The following SLC9B1 variants were observed in gnomAD, a reference collection of about 807,000 sequenced individuals.
SLC9B1 encodes the protein solute carrier family 9 member B1.
SLC9B1 carries 32 observed loss-of-function variants against 51.7 expected under a neutral mutation model. The ratio of observed to expected loss-of-function variants is 0.62; its 90% CI spans 0.47 to 0.83. SLC9B1 has a LOEUF of 0.83. SLC9B1 is among the 40% of genes least tolerant of loss of function. The pLI is 0.00. For missense variants in SLC9B1, 406 were observed against 613.2 expected, an observed-to-expected ratio of 0.66 and a Z score of 3.57; for synonymous variants, 145 against 212.7, an observed-to-expected ratio of 0.68 and a Z score of 2.77.
chr4:102,979,234 T>A (rs1269817234), intron 3 of SLC9B1, among the ~76,000 whole-genome samples: 1 of 152,230 alleles, frequency 6.6e-6, no homozygotes, highest in Non-Finnish European at 1.5e-5. Context: ...GTAGTTAACC[T>A]GATTGGTGAG....
At chr4:102,898,171 C>A (rs956615902), downstream of SLC9B1, 9 of 519,034 alleles carry the variant, frequency 1.7e-5, no homozygotes, top group Admixed American at 7.8e-5. Context: ...ATAGCTGTAC[C>A]ACAAGACCAC....
At chr4:102,978,399 T>A (rs1360942019) in intron 3 of SLC9B1, among the ~76,000 whole-genome samples, 9 of 151,826 alleles carry the variant, frequency 5.9e-5, no homozygotes, top group Admixed American at 2.0e-4. Flanking sequence ...TGGGAGAAAA[T>A]TTTTGCAATC....
chr4:102,941,982 C>T (rs944468817), intron 6 of SLC9B1, among the ~76,000 whole-genome samples: 2 of 152,024 alleles, frequency 1.3e-5, no homozygotes, highest in Non-Finnish European at 2.9e-5. Context: ...AATCAATGTA[C>T]ACAAATCAGT....
At chr4:102,962,230 G>C (rs549956195) in intron 3 of SLC9B1, 1 of 537,334 alleles carries the variant, frequency 1.9e-6, no homozygotes, top group African/African-American at 1.9e-5. Flanking sequence ...AAGCCCAAAG[G>C]AGAATGTTGA....
intron 7 of SLC9B1, among the ~76,000 whole-genome samples, chr4:102,916,993 G>C (rs1489708095): frequency 2.0e-5 from 3 of 152,220 alleles, no homozygotes; most frequent in Admixed American, 6.5e-5. Context: ...CTGTGGGTAG[G>C]CATCATGCAA....
At chr4:102,943,403 A>G (rs1737103462) in intron 6 of SLC9B1, among the ~76,000 whole-genome samples, 1 of 152,174 alleles carries the variant, frequency 6.6e-6, no homozygotes, top group Admixed American at 6.6e-5. Flanking sequence ...CACAATTTGC[A>G]ATTGCAAAAA....
chr4:102,992,948 C>G (rs1362517760), intron 1 of SLC9B1, among the ~76,000 whole-genome samples: 2 of 152,162 alleles, frequency 1.3e-5, no homozygotes, highest in Admixed American at 6.5e-5. Flanking sequence ...AAATGCCAGA[C>G]ACTTATAAAA....
chr4:102,970,268 C>T (rs928805575), intron 3 of SLC9B1, among the ~76,000 whole-genome samples: 1 of 152,188 alleles, frequency 6.6e-6, no homozygotes, highest in Non-Finnish European at 1.5e-5. Flanking sequence ...AAGGGAAGCA[C>T]ATCAGACTAA....
At position 102,908,567 on chromosome 4, in the gene SLC9B1, A is replaced by T. The variant is rs553623268; in HGVS notation, c.1086+1872T>A. 3.9e-5 allele frequency among the ~76,000 whole-genome samples: 6 copies of T among 152,372 alleles called. No homozygotes were observed. In the East Asian group the frequency reaches 1.2e-3, roughly 29 times the overall value. ...AGATAAATTCCAGATAGATTAAAAG[A>T]CTAAATGAAAAAAACAAATTAAACA... On this transcript the variant is annotated intron_variant, in intron 9 of 11. Transcript: ENST00000296422.
intron 11 of SLC9B1, among the ~76,000 whole-genome samples, chr4:102,894,693 A>G (rs1239108090): frequency 6.6e-6 from 1 of 152,230 alleles, no homozygotes; most frequent in African/African-American, 2.4e-5. Context: ...GCAGTGGCTC[A>G]TACCTGTAAT....
At chr4:102,896,938 T>C (rs916522492), downstream of SLC9B1, 8 of 154,082 alleles carry the variant, frequency 5.2e-5, no homozygotes, top group African/African-American at 1.9e-4. Context: ...AGGAAGATTT[T>C]TGGAGAAGAC....
At chr4:102,962,793 C>A in intron 3 of SLC9B1, 1 of 475,734 alleles carries the variant, frequency 2.1e-6, no homozygotes, top group South Asian at 1.5e-5. Context: ...TGCCCTGATA[C>A]AGTCAAGGAA....
chr4:103,009,093 T>C (rs921360086), intron 1 of SLC9B1, among the ~76,000 whole-genome samples: 6 of 152,198 alleles, frequency 3.9e-5, no homozygotes, highest in African/African-American at 9.6e-5. Context: ...CCACTGCGCC[T>C]GGCCAGGCTT....
chr4:102,942,643 G>T (rs1315490113), intron 6 of SLC9B1, among the ~76,000 whole-genome samples: 1 of 152,172 alleles, frequency 6.6e-6, no homozygotes, highest in Non-Finnish European at 1.5e-5. Context: ...AATGAAACTG[G>T]ATCCTCATCT....
At position 102,993,818 on chromosome 4, in the gene SLC9B1, C is replaced by G. The variant is rs138453651; in HGVS notation, c.-1-2106G>C. Among the ~76,000 whole-genome samples, 679 of 152,340 alleles carry G rather than the reference C, an allele frequency of 4.5e-3. 5 individuals are homozygous for G. The highest frequency in any genetic ancestry group is 0.015 in the African/African-American group (635 of 41,582). ...GTTCTGTGCACCTGTCGGCCTAACA[C>G]CACGTGTAAGCTGCCAAGCCTTGGG... On this transcript the variant is annotated intron_variant, in intron 1 of 11. Transcript: ENST00000296422.
At chr4:102,941,441 A>G in intron 6 of SLC9B1, 1 of 455,308 alleles carries the variant, frequency 2.2e-6, no homozygotes, top group Non-Finnish European at 4.4e-6. Context: ...AACTGCAGTG[A>G]GATACAACCT....
At chr4:102,885,790 A>G (rs973588858) in intron 11 of SLC9B1, among the ~76,000 whole-genome samples, 20 of 152,222 alleles carry the variant, frequency 1.3e-4, no homozygotes, top group Admixed American at 1.3e-3. Flanking sequence ...GTTTGGTTGG[A>G]CAAGTTACTT....
intron 6 of SLC9B1, among the ~76,000 whole-genome samples, chr4:102,938,484 A>T (rs1736830173): frequency 6.6e-6 from 1 of 152,188 alleles, no homozygotes; most frequent in Non-Finnish European, 1.5e-5. Context: ...AAATGAACAA[A>T]GATATTCAGG....
At chr4:102,941,150 C>G (rs1736975612) in intron 6 of SLC9B1, among the ~76,000 whole-genome samples, 1 of 152,074 alleles carries the variant, frequency 6.6e-6, no homozygotes, top group Non-Finnish European at 1.5e-5. Flanking sequence ...CAAAAATTGA[C>G]AAATGGGATC....
Sources: allele counts gnomAD v4.1 joint callset (sites outside exome capture counted in the v4.1 genomes callset), GRCh38; gene constraint gnomAD v4.1.1; transcripts MANE v1.5; gene names NCBI Gene and HGNC (gene_info 2026-07-23, HGNC 2026-07-21).